The following CCDC14 variants were observed in gnomAD, a reference collection of about 807,000 sequenced individuals.
The protein encoded by CCDC14 is coiled-coil domain-containing protein 14.
A neutral mutation model predicts 81.4 loss-of-function variants in CCDC14; 71 were observed. The observed-to-expected ratio is 0.87, with a 90% CI of 0.72 to 1.06. The LOEUF (loss-of-function observed/expected upper bound fraction) is 1.06. Ranked by LOEUF, CCDC14 falls within the 50% of genes least tolerant of loss-of-function variation. CCDC14 has a pLI of 0.00. For synonymous variants in CCDC14, 332 were observed against 364.8 expected (o/e 0.91, Z 1.03); for missense variants, 1,046 against 1,047.3 (o/e 1.00, Z 0.02).
intron 12 of CCDC14, among the ~76,000 whole-genome samples, chr3:123,923,633 G>A (rs1413611638): frequency 6.6e-6 from 1 of 151,348 alleles, no homozygotes; most frequent in Non-Finnish European, 1.5e-5. Flanking sequence ...CTACCCAAAA[G>A]AAATTAAGAA....
chr3:123,929,591 C>A (rs1183510998), intron 12 of CCDC14, among the ~76,000 whole-genome samples: 1 of 152,184 alleles, frequency 6.6e-6, no homozygotes, highest in Non-Finnish European at 1.5e-5. Context: ...GCATGAGGCC[C>A]TGCAACCAAC....
intron 5 of CCDC14, among the ~76,000 whole-genome samples, chr3:123,903,417 T>G (rs1255854294): frequency 2.0e-5 from 3 of 152,040 alleles, no homozygotes; most frequent in African/African-American, 7.2e-5. Flanking sequence ...ATAGCAGAAG[T>G]GTAAAGTGTT....
intron 8 of CCDC14, among the ~76,000 whole-genome samples, chr3:123,946,260 C>G (rs930942930): frequency 6.6e-6 from 1 of 150,680 alleles, no homozygotes; most frequent in African/African-American, 2.4e-5. Context: ...AATACATATA[C>G]AGAATGGAAA....
chr3:123,930,860 C>T, intron 12 of CCDC14: 1 of 400,120 alleles, frequency 2.5e-6, no homozygotes, highest in Non-Finnish European at 4.4e-6. Flanking sequence ...TACAAGTCTT[C>T]AGCTTCTCAT....
downstream of CCDC14, among the ~76,000 whole-genome samples, chr3:123,909,573 C>T (rs1182627219): frequency 6.6e-6 from 1 of 152,138 alleles, no homozygotes; most frequent in Non-Finnish European, 1.5e-5. Context: ...CACTGTGTGC[C>T]TTTAATAAAG....
chr3:123,960,293 C>T (rs1036198299), intron 1 of CCDC14, among the ~76,000 whole-genome samples: 1 of 152,198 alleles, frequency 6.6e-6, no homozygotes, highest in Non-Finnish European at 1.5e-5. Flanking sequence ...CTTTCATTTT[C>T]ACTTAATCCA....
chr3:123,959,315 T>TG (rs1485222144), intron 1 of CCDC14, among the ~76,000 whole-genome samples: 1 of 151,996 alleles, frequency 6.6e-6, no homozygotes, highest in Non-Finnish European at 1.5e-5. Context: ...TTCATTTTTT[T>TG]AATGTCATCC....
chr3:123,941,578 C>G (rs1217201923), intron 9 of CCDC14, among the ~76,000 whole-genome samples: 1 of 151,974 alleles, frequency 6.6e-6, no homozygotes, highest in African/African-American at 2.4e-5. Flanking sequence ...TACACTACTG[C>G]CAGAAACCTC....
At chr3:123,954,152 T>C (rs1009325432) in intron 5 of CCDC14, 4 of 152,124 alleles carry the variant, frequency 2.6e-5, no homozygotes, top group African/African-American at 9.7e-5. Context: ...AGACAAAAAG[T>C]AGGAGACTGG....
intron 5 of CCDC14, chr3:123,953,186 C>T (rs1327538500): frequency 6.5e-6 from 1 of 153,188 alleles, no homozygotes; most frequent in Non-Finnish European, 1.5e-5. Flanking sequence ...AAAAGACAGT[C>T]CTTCAATATG....
At position 123,915,869 on chromosome 3, in the gene CCDC14, G is replaced by A. The variant is rs564497554; in HGVS notation, c.1779-151C>T. Among the ~76,000 whole-genome samples the A allele has an allele frequency of 9.2e-5, 14 of 152,174 alleles. No homozygotes were observed. In the South Asian group the frequency reaches 1.0e-3, roughly 11 times the overall value. On this transcript the variant is annotated intron_variant, in intron 12 of 12. Transcript: ENST00000409697. The stretch of plus-strand genomic sequence containing the variant: ...AACTAGAAGCACAAAATCACAGAAC[G>A]TGCTTTGGCAAGAGCATATAATAAT...
At chr3:123,921,387 A>G (rs775451707) in intron 12 of CCDC14, among the ~76,000 whole-genome samples, 15 of 152,230 alleles carry the variant, frequency 9.9e-5, no homozygotes, top group Admixed American at 6.5e-4. Flanking sequence ...AGCTATACTC[A>G]TATCAGACAA....
intron 5 of CCDC14, among the ~76,000 whole-genome samples, chr3:123,898,268 T>C (rs1056333926): frequency 3.3e-5 from 5 of 152,208 alleles, no homozygotes; most frequent in African/African-American, 1.2e-4. Context: ...GTTGTGAGGG[T>C]TGCACAAGAG....
chr3:123,945,637 C>T (rs547828009), intron 8 of CCDC14, among the ~76,000 whole-genome samples: 1 of 152,118 alleles, frequency 6.6e-6, no homozygotes, highest in Admixed American at 6.5e-5. Flanking sequence ...TATCTTTGTC[C>T]CCTCATTCCC....
chr3:123,942,410 T>G (rs1318054891), intron 9 of CCDC14, among the ~76,000 whole-genome samples: 1 of 152,068 alleles, frequency 6.6e-6, no homozygotes, highest in Non-Finnish European at 1.5e-5. Context: ...GTAATAGGAA[T>G]TCCTTAGGTC....
chr3:123,960,248 C>T (rs1477529800), intron 1 of CCDC14, among the ~76,000 whole-genome samples: 2 of 152,218 alleles, frequency 1.3e-5, no homozygotes, highest in African/African-American at 4.8e-5. Flanking sequence ...CAAGATAATA[C>T]TGCCTTTGTA....
At chr3:123,908,151 A>G (rs1559756877) in intron 5 of CCDC14, among the ~76,000 whole-genome samples, 1 of 152,206 alleles carries the variant, frequency 6.6e-6, no homozygotes, top group Non-Finnish European at 1.5e-5. Flanking sequence ...GAAAGAAGGT[A>G]AAAAAGAAAG....
chr3:123,939,845 G>C (rs72964820), intron 9 of CCDC14, among the ~76,000 whole-genome samples: 1 of 151,718 alleles, frequency 6.6e-6, no homozygotes, highest in Non-Finnish European at 1.5e-5. Context: ...AAGAACTTAC[G>C]AGGAAGTAAG....
At chr3:123,956,179 A>C in intron 3 of CCDC14, 64 bp from the exon 4 acceptor site, 1 of 1,410,504 alleles carries the variant, frequency 7.1e-7, no homozygotes, top group Non-Finnish European at 9.5e-7. Context: ...AAAAAATATA[A>C]ATTATGTAGT....
Sources: gnomAD v4.1 joint callset for allele counts (sites outside exome capture counted in the v4.1 genomes callset) on GRCh38, gnomAD v4.1.1 for gene constraint, MANE v1.5 for transcripts, NCBI Gene and HGNC (gene_info 2026-07-23, HGNC 2026-07-21) for gene names.